Variants in BDKRB2 observed in about 807,000 individuals in gnomAD.
The protein encoded by BDKRB2 is B2 bradykinin receptor.
A neutral mutation model predicts 4.0 loss-of-function variants in BDKRB2; 6 were observed. That is an observed-to-expected ratio of 1.49 (90% CI 0.81 to 2.93). The LOEUF (loss-of-function observed/expected upper bound fraction) is 2.93. Among genes scored for constraint, BDKRB2 ranks in the 30% most tolerant of loss-of-function variants. The probability of loss-of-function intolerance (pLI) is 0.00; values close to 1 mark genes in which losing one functional copy is unlikely to be tolerated. For missense variants in BDKRB2, 478 were observed against 520.1 expected, an observed-to-expected ratio of 0.92 and a Z score of 0.79; for synonymous variants, 225 against 215.3, an observed-to-expected ratio of 1.05 and a Z score of -0.40.
rs569762583 is a variant in BDKRB2 at position 96,207,921 on chromosome 14, T to C, written c.-40+2962T>C. Among the ~76,000 whole-genome samples, 35 of 152,274 alleles carry C rather than the reference T, an allele frequency of 2.3e-4. No homozygotes were observed. The South Asian group carries it at 6.4e-3, about 28-fold the overall frequency. On this transcript the variant is annotated intron_variant, in intron 1 of 2. Transcript: ENST00000554311. Reference sequence around the variant, plus strand: ...CCAAATGCATCACTTCTGACATCCATTGGGTCCAGGAATCCCCTGCCTCAT... The same window carrying C: ...CCAAATGCATCACTTCTGACATCCACTGGGTCCAGGAATCCCCTGCCTCAT...
rs374601406 is a variant in BDKRB2, at chr14:96,212,282, A to T, written c.-40+7323A>T. Among the ~76,000 whole-genome samples, 29 of 152,372 alleles carry T rather than the reference A, an allele frequency of 1.9e-4. No homozygotes were observed. The East Asian group carries it at 3.5e-3, about 18-fold the overall frequency. On this transcript the variant is annotated intron_variant, in intron 1 of 2. Coordinates refer to ENST00000554311, the MANE Select transcript of BDKRB2 (RefSeq NM_001379692.1). The stretch of plus-strand genomic sequence containing the variant: ...GATCATCAAAACTGAAATTATAGAT[A>T]TTTGAGAAACAACTAACTATAAGAA...
chr14:96,230,081 C>T (rs1890783736), intron 1 of BDKRB2, among the ~76,000 whole-genome samples: 1 of 151,796 alleles, frequency 6.6e-6, no homozygotes, highest in Non-Finnish European at 1.5e-5. Flanking sequence ...TTGCAGTGAG[C>T]CGAGATCATG....
chr14:96,223,133 C>T (rs1870703995), intron 1 of BDKRB2: 9 of 1,278,792 alleles, frequency 7.0e-6, no homozygotes, highest in South Asian at 1.2e-5. Flanking sequence ...ATTCACTATT[C>T]GGACAGATAC....
At position 96,242,864 on chromosome 14, in the gene BDKRB2, T is replaced by C. The variant is rs1885331425; in HGVS notation, c.*1360T>C. 6.6e-6 allele frequency: 1 copy of C among 152,436 alleles called. No homozygotes were observed. Among genetic ancestry groups the C allele is most frequent in the Non-Finnish European group, 1.5e-5 (1 of 68,222 alleles). 9.4% of individuals were successfully genotyped at this position (152,436 alleles called of 1,614,324 possible). ...TGGTTTATTGGAAGGTGGCCCAGTATGAGCCCTAGAAGAGTGTGAAAAGGA... is the reference window on the plus strand; with the variant it reads ...TGGTTTATTGGAAGGTGGCCCAGTACGAGCCCTAGAAGAGTGTGAAAAGGA... On this transcript the variant is annotated 3_prime_UTR_variant, in exon 3 of 3. Transcript: ENST00000554311.
At chr14:96,224,179 T>C (rs910368318) in intron 1 of BDKRB2, among the ~76,000 whole-genome samples, 5 of 152,196 alleles carry the variant, frequency 3.3e-5, no homozygotes, top group Non-Finnish European at 5.9e-5. Flanking sequence ...AGAAAAAGAT[T>C]GGCTGCGAGT....
At chr14:96,237,779 ATAGT>A in intron 2 of BDKRB2, 1 of 1,289,782 alleles carries the variant, frequency 7.8e-7, no homozygotes, top group Non-Finnish European at 1.0e-6. Flanking sequence ...CACTGGACCT[ATAGT>A]TTCCAATTCC....
intron 1 of BDKRB2, among the ~76,000 whole-genome samples, chr14:96,231,460 T>G (rs1455463480): frequency 6.6e-6 from 1 of 152,132 alleles, no homozygotes; most frequent in Non-Finnish European, 1.5e-5. Flanking sequence ...CTCTGGTTGT[T>G]GAGGCTCATA....
chr14:96,237,399 A>G (rs77848527), intron 2 of BDKRB2, among the ~76,000 whole-genome samples: 4,747 of 152,268 alleles, frequency 0.031, 144 homozygotes, highest in East Asian at 0.13. Flanking sequence ...GCTCAGGGAG[A>G]AGAAGGGCAC....
At chr14:96,230,133 C>T (rs575298483) in intron 1 of BDKRB2, among the ~76,000 whole-genome samples, 1 of 139,322 alleles carries the variant, frequency 7.2e-6, no homozygotes, top group African/African-American at 2.7e-5. Flanking sequence ...GACTCCGTCT[C>T]AACAAAAAAA....
chr14:96,238,057 CTCT>C, intron 2 of BDKRB2: 1 of 1,090,046 alleles, frequency 9.2e-7, no homozygotes, highest in Non-Finnish European at 1.1e-6. Context: ...CTTCAGAGGA[CTCT>C]GGAAAGGAGG....
chr14:96,237,075 T>C lies in BDKRB2; in HGVS notation c.-33T>C. 6.4e-7 allele frequency: 1 copy of C among 1,563,924 alleles called. No individual in the cohort carries two copies. The highest frequency in any genetic ancestry group is 1.1e-5 in the South Asian group (1 of 90,106). ...TCTTTTCTTCTCTGTTCAGCCCAGG[T>C]GTGGCCTCACTCACATCCCACTCTG... is the stretch of plus-strand genomic sequence containing the variant. On this transcript the variant is annotated 5_prime_UTR_variant, in exon 2 of 3. Coordinates refer to ENST00000554311, the MANE Select transcript of BDKRB2 (RefSeq NM_001379692.1).
At chr14:96,238,532 A>G in intron 2 of BDKRB2, 1 of 985,598 alleles carries the variant, frequency 1.0e-6, no homozygotes, top group Middle Eastern at 5.2e-4. Flanking sequence ...CTTAAGACTC[A>G]GGGGCAAAGC....
chr14:96,238,800 G>A (rs1885181419), intron 2 of BDKRB2: 2 of 985,694 alleles, frequency 2.0e-6, no homozygotes, highest in Non-Finnish European at 2.4e-6. Context: ...CCCTCTCCAA[G>A]TCTGTGTCCC....
At chr14:96,237,257 A>G (rs1027206661) in intron 2 of BDKRB2, 76 bp downstream of exon 2, 4 of 1,348,474 alleles carry the variant, frequency 3.0e-6, no homozygotes, top group Admixed American at 3.5e-5. Context: ...TGGAAAGCTC[A>G]ACTCTCATGC....
rs760913037 is a variant in BDKRB2 at position 96,204,873 on chromosome 14, TGGG to T, written c.-124_-122del. On this transcript the variant is annotated 5_prime_UTR_variant, in exon 1 of 3. Coordinates refer to ENST00000554311, the MANE Select transcript of BDKRB2 (RefSeq NM_001379692.1). ...CTGGCTTCTGGGCTCCGAGGAGGGG[TGGG>T]GACGGTGGGGACGGTGGGGACATCA... 2.1e-4 allele frequency: 18 copies of T among 84,286 alleles called. No individual in the cohort carries two copies. In the South Asian group the frequency reaches 2.6e-3, roughly 12 times the overall value. The allele number at this position is 84,286 out of a possible 1,614,324, so 5.2% of individuals were successfully genotyped here. A position where few individuals can be genotyped will look rare whatever the true frequency, so the allele number is the denominator to read the frequency against.
At chr14:96,223,475 G>C (rs1890624307) in intron 1 of BDKRB2, 1 of 629,814 alleles carries the variant, frequency 1.6e-6, no homozygotes, top group Admixed American at 2.3e-5. Context: ...TCAATACACT[G>C]TTTGAATGTG....
At chr14:96,205,314 G>C (rs116771974) in intron 1 of BDKRB2, among the ~76,000 whole-genome samples, 4,894 of 152,186 alleles carry the variant, frequency 0.032, 236 homozygotes, top group African/African-American at 0.1. Flanking sequence ...CAGCAGGGAC[G>C]GGTGCTGGGT....
At chr14:96,209,461 A>G (rs1422185368) in intron 1 of BDKRB2, among the ~76,000 whole-genome samples, 1 of 152,164 alleles carries the variant, frequency 6.6e-6, no homozygotes, top group African/African-American at 2.4e-5. Flanking sequence ...CACAGGAAAC[A>G]TCTCTGGCCC....
chr14:96,232,354 C>T (rs1156951924), intron 1 of BDKRB2, among the ~76,000 whole-genome samples: 5 of 152,232 alleles, frequency 3.3e-5, no homozygotes, highest in Non-Finnish European at 7.3e-5. Context: ...CAGAGCCCAT[C>T]GGCCTAACCG....
Sources: allele counts gnomAD v4.1 joint callset (sites outside exome capture counted in the v4.1 genomes callset), GRCh38; gene constraint gnomAD v4.1.1; transcripts MANE v1.5; gene names NCBI Gene and HGNC (gene_info 2026-07-23, HGNC 2026-07-21).